The following FHIT variants were observed in gnomAD, a reference collection of about 807,000 sequenced individuals.
FHIT encodes fragile histidine triad diadenosine triphosphatase.
FHIT carries 19 observed loss-of-function variants against 17.9 expected under a neutral mutation model. The observed-to-expected ratio is 1.06, with a 90% confidence interval of 0.74 to 1.56. The LOEUF (loss-of-function observed/expected upper bound fraction) is 1.56, where lower values mean the gene tolerates loss of function less well. FHIT is among the 40% of genes most tolerant of loss of function. FHIT has a pLI of 0.00. For synonymous variants in FHIT, 81 were observed against 69.7 expected (o/e 1.16, Z -0.81); for missense variants, 248 against 189.2 (o/e 1.31, Z -1.82).
At chr3:60,556,783 G>C (rs879497682) in intron 4 of FHIT, among the ~76,000 whole-genome samples, 37 of 152,236 alleles carry the variant, frequency 2.4e-4, no homozygotes, top group African/African-American at 8.7e-4. Context: ...GTGTAACGCT[G>C]CCTTTGTCCC....
At chr3:61,099,752 G>A (rs940786788) in intron 2 of FHIT, among the ~76,000 whole-genome samples, 1 of 152,112 alleles carries the variant, frequency 6.6e-6, no homozygotes, top group Non-Finnish European at 1.5e-5. Flanking sequence ...GGTGGGGTCA[G>A]TGATAATATC....
chr3:60,052,048 T>C (rs888420694), intron 5 of FHIT, among the ~76,000 whole-genome samples: 1 of 152,254 alleles, frequency 6.6e-6, no homozygotes, highest in South Asian at 2.1e-4. Context: ...TGGCCATTAA[T>C]GGGGAAAAGT....
chr3:60,806,881 G>T (rs180813690), intron 4 of FHIT, among the ~76,000 whole-genome samples: 119 of 152,290 alleles, frequency 7.8e-4, no homozygotes, highest in African/African-American at 2.6e-3. Context: ...ATCAAGGGGT[G>T]AGGCCAACAT....
At chr3:60,823,460 G>A (rs1702000844) in intron 3 of FHIT, among the ~76,000 whole-genome samples, 1 of 152,118 alleles carries the variant, frequency 6.6e-6, no homozygotes, top group East Asian at 1.9e-4. Flanking sequence ...CAATATGATT[G>A]GATATAAGAG....
chr3:60,282,480 C>T (rs1707508013), intron 5 of FHIT, among the ~76,000 whole-genome samples: 1 of 152,074 alleles, frequency 6.6e-6, no homozygotes, highest in South Asian at 2.1e-4. Context: ...CTATACGAAA[C>T]TGTAATGGTG....
chr3:60,628,356 G>T (rs1268698762), intron 4 of FHIT, among the ~76,000 whole-genome samples: 2 of 152,148 alleles, frequency 1.3e-5, no homozygotes, highest in African/African-American at 4.8e-5. Context: ...TTATGGCTTA[G>T]CATGTGGTAT....
chr3:60,389,128 A>C (rs1247588702), intron 5 of FHIT, among the ~76,000 whole-genome samples: 1 of 152,218 alleles, frequency 6.6e-6, no homozygotes, highest in South Asian at 2.1e-4. Context: ...TTTTCCATAT[A>C]AGTGGTTCAC....
intron 8 of FHIT, among the ~76,000 whole-genome samples, chr3:59,849,041 G>C (rs1225721130): frequency 1.3e-5 from 2 of 152,128 alleles, no homozygotes; most frequent in Non-Finnish European, 2.9e-5. Context: ...TCCCTTTATA[G>C]GCAATCAAGC....
intron 2 of FHIT, among the ~76,000 whole-genome samples, chr3:61,089,563 G>T (rs914416493): frequency 6.6e-6 from 1 of 151,746 alleles, no homozygotes; most frequent in Non-Finnish European, 1.5e-5. Flanking sequence ...GTATACTTCA[G>T]TAAAAAAAAA....
chr3:61,230,540 G>A (rs763530329), intron 1 of FHIT, among the ~76,000 whole-genome samples: 1 of 152,010 alleles, frequency 6.6e-6, no homozygotes, highest in Non-Finnish European at 1.5e-5. Flanking sequence ...TGAGTCTCCT[G>A]TATTTCTTTA....
chr3:60,208,379 A>C (rs1340108939), intron 5 of FHIT, among the ~76,000 whole-genome samples: 1 of 95,970 alleles, frequency 1.0e-5, no homozygotes, highest in African/African-American at 3.3e-5. Context: ...ACCTCCCCCC[A>C]AATTGTAAAT....
intron 5 of FHIT, among the ~76,000 whole-genome samples, chr3:60,176,334 A>G (rs1049704307): frequency 2.0e-5 from 3 of 152,182 alleles, no homozygotes; most frequent in Non-Finnish European, 4.4e-5. Context: ...CCTGGGTGAC[A>G]GAGTGAGACT....
intron 5 of FHIT, among the ~76,000 whole-genome samples, chr3:60,076,545 T>TCTG (rs1703016216): frequency 6.6e-6 from 1 of 152,004 alleles, no homozygotes; most frequent in Admixed American, 6.6e-5. Context: ...TACTTCTGCT[T>TCTG]CTGCTGCTGC....
chr3:61,121,425 T>A (rs986298211), intron 2 of FHIT, among the ~76,000 whole-genome samples: 1 of 152,170 alleles, frequency 6.6e-6, no homozygotes, highest in African/African-American at 2.4e-5. Flanking sequence ...CAGAAGAGAA[T>A]GGGGGCCAAC....
chr3:61,106,818 G>A (rs1307495689), intron 2 of FHIT, among the ~76,000 whole-genome samples: 1 of 152,092 alleles, frequency 6.6e-6, no homozygotes, highest in East Asian at 1.9e-4. Context: ...GAGCCACCAC[G>A]CCTGGCTAAT....
Position 60,255,842 on chromosome 3 carries a change from G to A in FHIT, c.104-241690C>T, listed in dbSNP as rs149817113. Among the ~76,000 whole-genome samples, 108 of 151,900 alleles carry A rather than the reference G, an allele frequency of 7.1e-4. 2 individuals are homozygous for A. The East Asian group carries it at 0.015, about 21-fold the overall frequency. On this transcript the variant is annotated intron_variant, in intron 5 of 9. Coordinates refer to ENST00000492590, the MANE Select transcript of FHIT (RefSeq NM_002012.4). ...TGCACTCCAGCCTGGGCAACAGAGC[G>A]AGACTCCATCTCAAAAAACAAAAAC... is the stretch of plus-strand genomic sequence containing the variant.
chr3:60,166,395 CTA>C (rs1219268563), intron 5 of FHIT, among the ~76,000 whole-genome samples: 3 of 152,150 alleles, frequency 2.0e-5, no homozygotes, highest in African/African-American at 7.2e-5. Context: ...TCTTTGGCTG[CTA>C]TTTCAAACTT....
chr3:60,914,552 A>G (rs547604370), intron 3 of FHIT, among the ~76,000 whole-genome samples: 1 of 152,222 alleles, frequency 6.6e-6, no homozygotes, highest in African/African-American at 2.4e-5. Context: ...CACAAAGGAT[A>G]CAACAGAATC....
At chr3:60,110,709 G>A (rs1213810060) in intron 5 of FHIT, among the ~76,000 whole-genome samples, 1 of 152,078 alleles carries the variant, frequency 6.6e-6, no homozygotes, top group Non-Finnish European at 1.5e-5. Context: ...TACATATAAT[G>A]GTTATTTCAG....
Sources: gnomAD v4.1 joint callset for allele counts (sites outside exome capture counted in the v4.1 genomes callset) on GRCh38, gnomAD v4.1.1 for gene constraint, MANE v1.5 for transcripts, NCBI Gene and HGNC (gene_info 2026-07-23, HGNC 2026-07-21) for gene names.